LRRC4C: variants seen among roughly 807,000 people sequenced by gnomAD.
The protein encoded by LRRC4C is leucine rich repeat containing 4C.
A neutral mutation model predicts 33.6 loss-of-function variants in LRRC4C; 5 were observed. The ratio of observed to expected loss-of-function variants is 0.15; its 90% CI spans 0.08 to 0.31. The LOEUF is 0.31. LRRC4C is among the 10% of genes least tolerant of loss of function. The probability of loss-of-function intolerance (pLI) is 1.00; values close to 1 mark genes in which losing one functional copy is unlikely to be tolerated. For missense variants in LRRC4C, 560 were observed against 796.7 expected (o/e 0.70, Z 3.58); for synonymous variants, 329 against 302.0 (o/e 1.09, Z -0.93).
chr11:40,178,773 G>A (rs1304877806), intron 5 of LRRC4C, among the ~76,000 whole-genome samples: 1 of 152,158 alleles, frequency 6.6e-6, no homozygotes, highest in African/African-American at 2.4e-5. Context: ...CTGTGGGGTT[G>A]GTTGGGCTCT....
At chr11:40,508,425 T>C (rs973180288) in intron 3 of LRRC4C, among the ~76,000 whole-genome samples, 1 of 152,050 alleles carries the variant, frequency 6.6e-6, no homozygotes, top group Non-Finnish European at 1.5e-5. Context: ...ATTTATAATG[T>C]AGTACAGTGT....
chr11:40,251,948 T>C lies in LRRC4C; in HGVS notation c.-175-10350A>G, dbSNP rs146810945. 3.0e-3 allele frequency among the ~76,000 whole-genome samples: 458 copies of C among 152,324 alleles called. 2 individuals are homozygous for C. The highest frequency in any genetic ancestry group is 0.011 in the African/African-American group (441 of 41,572). On this transcript the variant is annotated intron_variant, in intron 4 of 6. Coordinates refer to ENST00000528697, the MANE Select transcript of LRRC4C (RefSeq NM_001258419.2). ...TTGTTTGGCATCTGGACACAGCTTC[T>C]AACCAGCTGCATGCATTTGGATTCT...
At chr11:41,390,850 A>G (rs1007448643) in intron 1 of LRRC4C, among the ~76,000 whole-genome samples, 1 of 151,918 alleles carries the variant, frequency 6.6e-6, no homozygotes, top group South Asian at 2.1e-4. Flanking sequence ...TGTCTTCATC[A>G]CCCACTGTGT....
chr11:41,264,085 C>A (rs974071174), intron 1 of LRRC4C, among the ~76,000 whole-genome samples: 4 of 120,222 alleles, frequency 3.3e-5, no homozygotes, highest in East Asian at 2.6e-4. Flanking sequence ...TACAAATTTC[C>A]TTTTTATTAA....
chr11:41,185,388 C>G (rs751402899), intron 1 of LRRC4C, among the ~76,000 whole-genome samples: 3 of 152,044 alleles, frequency 2.0e-5, no homozygotes, highest in Non-Finnish European at 4.4e-5. Context: ...TTGGATAAGA[C>G]AAAGTACATA....
chr11:40,955,545 C>A (rs981021856), intron 1 of LRRC4C, among the ~76,000 whole-genome samples: 4 of 151,718 alleles, frequency 2.6e-5, no homozygotes, highest in African/African-American at 9.7e-5. Context: ...TAATTACAAT[C>A]TAAAACTAGT....
At chr11:40,872,497 T>C (rs554650691) in intron 2 of LRRC4C, among the ~76,000 whole-genome samples, 1 of 152,242 alleles carries the variant, frequency 6.6e-6, no homozygotes, top group East Asian at 1.9e-4. Flanking sequence ...CATTTTCTTA[T>C]ATACTCCTTT....
At chr11:41,392,096 G>A (rs73469974) in intron 1 of LRRC4C, among the ~76,000 whole-genome samples, 42 of 151,976 alleles carry the variant, frequency 2.8e-4, no homozygotes, top group Admixed American at 5.9e-4. Flanking sequence ...AACCGTTTAC[G>A]AGGGGAAAAT....
At chr11:41,240,484 G>A (rs1209025681) in intron 1 of LRRC4C, among the ~76,000 whole-genome samples, 1 of 152,076 alleles carries the variant, frequency 6.6e-6, no homozygotes, top group African/African-American at 2.4e-5. Context: ...AGAGAAAGAG[G>A]CTATTATCTT....
chr11:40,598,324 C>A (rs1174547546), intron 3 of LRRC4C, among the ~76,000 whole-genome samples: 1 of 152,098 alleles, frequency 6.6e-6, no homozygotes, highest in Non-Finnish European at 1.5e-5. Flanking sequence ...TGATTCTGTT[C>A]CTAGAACAGA....
intron 2 of LRRC4C, among the ~76,000 whole-genome samples, chr11:40,716,629 G>A (rs550655780): frequency 3.4e-4 from 52 of 152,226 alleles, no homozygotes; most frequent in South Asian, 3.1e-3. Context: ...AAGAAAAGCA[G>A]TAATATGCTG....
chr11:40,364,507 T>C (rs1342229001), intron 3 of LRRC4C, among the ~76,000 whole-genome samples: 1 of 152,006 alleles, frequency 6.6e-6, no homozygotes, highest in African/African-American at 2.4e-5. Flanking sequence ...CTTGAATACA[T>C]AGAAACTACC....
At chr11:41,256,851 AT>A (rs1336316487) in intron 1 of LRRC4C, among the ~76,000 whole-genome samples, 12 of 152,024 alleles carry the variant, frequency 7.9e-5, no homozygotes, top group African/African-American at 2.9e-4. Flanking sequence ...GTGACTTCTA[AT>A]GGTCATGTGG....
chr11:41,265,801 A>G (rs1348732672), intron 1 of LRRC4C, among the ~76,000 whole-genome samples: 3 of 151,958 alleles, frequency 2.0e-5, no homozygotes, highest in African/African-American at 7.2e-5. Context: ...AACTCATATT[A>G]CCTGCCTTCC....
intron 1 of LRRC4C, among the ~76,000 whole-genome samples, chr11:41,391,655 C>T (rs930326733): frequency 7.2e-5 from 11 of 151,770 alleles, no homozygotes; most frequent in Non-Finnish European, 2.9e-5. Flanking sequence ...TTATTGATGA[C>T]CCCCTAAAAC....
intron 3 of LRRC4C, among the ~76,000 whole-genome samples, chr11:40,364,410 T>C (rs1948114206): frequency 6.6e-6 from 1 of 152,118 alleles, no homozygotes; most frequent in Non-Finnish European, 1.5e-5. Flanking sequence ...CAAATTAAGC[T>C]TTTAAAGGTA....
intron 3 of LRRC4C, among the ~76,000 whole-genome samples, chr11:40,378,701 CCCTT>C (rs910381857): frequency 6.6e-6 from 1 of 152,074 alleles, no homozygotes; most frequent in African/African-American, 2.4e-5. Flanking sequence ...GCTAAAACGT[CCCTT>C]CCAAGTTGGA....
intron 1 of LRRC4C, among the ~76,000 whole-genome samples, chr11:41,061,870 GA>G (rs1409007770): frequency 1.3e-5 from 2 of 151,864 alleles, no homozygotes; most frequent in Non-Finnish European, 2.9e-5. Context: ...GATATGCTGG[GA>G]AATGCAATAT....
chr11:40,846,429 A>G (rs922856143), intron 2 of LRRC4C, among the ~76,000 whole-genome samples: 5 of 152,120 alleles, frequency 3.3e-5, no homozygotes, highest in African/African-American at 1.2e-4. Flanking sequence ...CATTTATTAA[A>G]TAGGGAAGAT....
Sources: gnomAD v4.1 joint callset for allele counts (sites outside exome capture counted in the v4.1 genomes callset) on GRCh38, gnomAD v4.1.1 for gene constraint, MANE v1.5 for transcripts, NCBI Gene and HGNC (gene_info 2026-07-23, HGNC 2026-07-21) for gene names.